The following TAOK3 variants were observed in gnomAD, a reference collection of about 807,000 sequenced individuals.
The protein encoded by TAOK3 is TAO kinase 3.
Under a neutral mutation model 120.4 loss-of-function variants are expected in TAOK3, and 40 were observed. The ratio of observed to expected loss-of-function variants is 0.33; its 90% confidence interval spans 0.26 to 0.43. The LOEUF (loss-of-function observed/expected upper bound fraction) is 0.43, where lower values mean the gene tolerates loss of function less well. Among genes scored for constraint, TAOK3 ranks in the 20% least tolerant of loss-of-function variants. TAOK3 has a pLI of 1.00. For synonymous variants in TAOK3, 355 were observed against 387.5 expected, an observed-to-expected ratio of 0.92 and a Z score of 0.99; for missense variants, 821 against 1,112.1, an observed-to-expected ratio of 0.74 and a Z score of 3.72.
Position 118,371,530 on chromosome 12 carries a change from G to GT in TAOK3, c.-194+1117dup, listed in dbSNP as rs980898716. On this transcript the variant is annotated intron_variant, in intron 1 of 20. Transcript: ENST00000392533. The surrounding 1 kb of genome is among the most constrained non-coding windows in gnomAD (Gnocchi z 5.5). ...TTTCATGACATAATCCGGCTCCGGA[G>GT]TCCCCCGGAGTCCCGGGGGCTCACA... Among the ~76,000 whole-genome samples the GT allele has an allele frequency of 1.5e-4, 1 of 6,866 alleles. No individual in the cohort carries two copies. Among genetic ancestry groups the GT allele is most frequent in the African/African-American group, 1.5e-3 (1 of 658 alleles). 4.5% of individuals were successfully genotyped at this position (6,866 alleles called of 152,430 possible).
chr12:118,276,428 G>A (rs941319641), intron 1 of TAOK3, among the ~76,000 whole-genome samples: 11 of 152,186 alleles, frequency 7.2e-5, no homozygotes, highest in African/African-American at 2.2e-4. Context: ...ATGGCCGGGC[G>A]CGGTGGCTCA....
At chr12:118,201,889 T>C (rs1057055837) in intron 11 of TAOK3, among the ~76,000 whole-genome samples, 1 of 152,028 alleles carries the variant, frequency 6.6e-6, no homozygotes, top group African/African-American at 2.4e-5. Context: ...ATAGTCCTCA[T>C]GCTGTACACT....
At chr12:118,369,917 C>T (rs1284052015) in intron 1 of TAOK3, among the ~76,000 whole-genome samples, 4 of 152,110 alleles carry the variant, frequency 2.6e-5, no homozygotes, top group African/African-American at 9.7e-5. Flanking sequence ...GCTCTGTCGC[C>T]AGGCTGGAGT....
chr12:118,159,045 T>C (rs1234416374), intron 19 of TAOK3, among the ~76,000 whole-genome samples: 1 of 152,192 alleles, frequency 6.6e-6, no homozygotes, highest in Non-Finnish European at 1.5e-5. Flanking sequence ...CAAGCTCCCA[T>C]CCCAAGCTCC....
intron 1 of TAOK3, among the ~76,000 whole-genome samples, chr12:118,352,766 T>G (rs2045230833): frequency 6.6e-6 from 1 of 152,126 alleles, no homozygotes; most frequent in African/African-American, 2.4e-5. Flanking sequence ...GCTGAAGTGC[T>G]GTGGCACGAT....
chr12:118,351,860 A>G (rs1261557291), intron 1 of TAOK3, among the ~76,000 whole-genome samples: 1 of 134,910 alleles, frequency 7.4e-6, no homozygotes, highest in African/African-American at 2.7e-5. Context: ...TTTAATCTAT[A>G]GTTCTTTTTT....
chr12:118,223,187 A>C (rs1238922332), intron 9 of TAOK3, among the ~76,000 whole-genome samples: 1 of 147,764 alleles, frequency 6.8e-6, no homozygotes, highest in African/African-American at 2.5e-5. Context: ...CTCCTGCCTC[A>C]GCCTCTCCGA....
At chr12:118,210,307 C>T (rs2038556278) in intron 11 of TAOK3, among the ~76,000 whole-genome samples, 1 of 152,092 alleles carries the variant, frequency 6.6e-6, no homozygotes, top group African/African-American at 2.4e-5. Context: ...GTGTGGGGCT[C>T]GAAGATGTCA....
At chr12:118,189,102 A>G (rs903922232) in intron 14 of TAOK3, among the ~76,000 whole-genome samples, 1 of 152,176 alleles carries the variant, frequency 6.6e-6, no homozygotes, top group Non-Finnish European at 1.5e-5. Flanking sequence ...TTCTTCCACA[A>G]TCAGCCCTAT....
At chr12:118,264,631 T>C (rs1371947434) in intron 2 of TAOK3, among the ~76,000 whole-genome samples, 1 of 152,170 alleles carries the variant, frequency 6.6e-6, no homozygotes, top group Admixed American at 6.5e-5. Flanking sequence ...TTGGGAGTGA[T>C]AGTGGATATG....
chr12:118,223,350 C>T (rs1763703675), intron 9 of TAOK3, among the ~76,000 whole-genome samples: 4 of 148,626 alleles, frequency 2.7e-5, no homozygotes, highest in Admixed American at 6.8e-5. Flanking sequence ...TGAGCCACCA[C>T]GCCTGGCCAT....
chr12:118,243,491 A>C lies in TAOK3; in HGVS notation c.218T>G (p.Val73Gly), dbSNP rs1362813837. Residue 73 changes from valine (V) to glycine (G), a missense_variant, in exon 5 of 21, where the codon GTT becomes GGT. Physicochemically the swap from Val to Gly is moderately radical, Grantham distance 109 (BLOSUM62 -3). Around this residue, in one of 2 missense-constraint regions of TAOK3, gnomAD observed 467 missense variants for 540.0 expected, o/e 0.86. Transcript: ENST00000392533. ...ATGCTTCAATTGTCGTAAAAATTTA[A>C]CTTCCTTAAGAATATCTTGCCATTT... Reference protein sequence around the residue: ...HEKWQDILKEVKFLRQLKHPN... With the variant: ...HEKWQDILKEGKFLRQLKHPN... 6.6e-7 allele frequency: 1 copy of C among 1,517,538 alleles called. No homozygotes were observed. The highest frequency in any genetic ancestry group is 8.8e-7 in the Non-Finnish European group (1 of 1,136,802). 94.0% of individuals were successfully genotyped at this position (1,517,538 alleles called of 1,614,324 possible).
chr12:118,242,848 G>A (rs1022416023), intron 5 of TAOK3, among the ~76,000 whole-genome samples: 1 of 149,952 alleles, frequency 6.7e-6, no homozygotes, highest in Non-Finnish European at 1.5e-5. Context: ...CAACAAGAGT[G>A]AATCTGTCTC....
At chr12:118,235,440 A>G in intron 8 of TAOK3, 118 bp downstream of exon 8, 2 of 679,010 alleles carry the variant, frequency 2.9e-6, no homozygotes, top group Non-Finnish European at 5.1e-6. Flanking sequence ...TCTCAAATGA[A>G]ACCTCGTTTT....
chr12:118,176,770 A>AT lies in TAOK3; in HGVS notation c.1695+430dup, dbSNP rs141684719. On this transcript the variant is annotated intron_variant, in intron 16 of 20. Transcript: ENST00000392533. ...ATCTGTTTTAATAGCATTTTAGGTA[A>AT]TTTTTTTTTTTTTGAGACAGAGTTT... is the stretch of plus-strand genomic sequence containing the variant. Among the ~76,000 whole-genome samples the AT allele has an allele frequency of 7.6e-3, 1,105 of 145,980 alleles. 12 individuals are homozygous for AT. The highest frequency in any genetic ancestry group is 0.024 in the African/African-American group (952 of 40,060).
chr12:118,347,478 CA>C (rs1388528422), intron 1 of TAOK3, among the ~76,000 whole-genome samples: 4 of 152,162 alleles, frequency 2.6e-5, no homozygotes, highest in African/African-American at 9.7e-5. Flanking sequence ...CTTTTCCTGA[CA>C]GGAAGATGCT....
chr12:118,311,402 A>G (rs1270125985), intron 1 of TAOK3, among the ~76,000 whole-genome samples: 1 of 152,220 alleles, frequency 6.6e-6, no homozygotes, highest in Non-Finnish European at 1.5e-5. Context: ...CAGAGGTTGC[A>G]GTAAGCCAAG....
intron 1 of TAOK3, among the ~76,000 whole-genome samples, chr12:118,362,568 C>A (rs1007264771): frequency 6.6e-6 from 1 of 152,124 alleles, no homozygotes; most frequent in Non-Finnish European, 1.5e-5. Flanking sequence ...TATTTGTTCA[C>A]AGTCGCAAAT....
In TAOK3 at chr12:118,166,827, T is replaced by C. The variant is rs569389467; in HGVS notation, c.1900-4800A>G. Among the ~76,000 whole-genome samples, 36 of 146,724 alleles carry C rather than the reference T, an allele frequency of 2.5e-4. No homozygotes were observed. In the South Asian group the frequency reaches 2.6e-3, roughly 10 times the overall value. On this transcript the variant is annotated intron_variant, in intron 17 of 20. Transcript: ENST00000392533. ...ATGTGTGTGTGTGTATATATATATA[T>C]ACACACACACACACACACATACACA... is the stretch of plus-strand genomic sequence containing the variant.
Sources: allele counts gnomAD v4.1 joint callset (sites outside exome capture counted in the v4.1 genomes callset), GRCh38; gene constraint gnomAD v4.1.1; regional missense constraint gnomAD v4.1.1; non-coding constraint Gnocchi (gnomAD v3.1); transcripts MANE v1.5; gene names NCBI Gene and HGNC (gene_info 2026-07-23, HGNC 2026-07-21).